The following LRMDA variants were observed in gnomAD, a reference collection of about 807,000 sequenced individuals.
LRMDA encodes the protein leucine-rich melanocyte differentiation-associated protein.
In LRMDA, 18 loss-of-function variants were observed where a neutral mutation model predicts 29.8. The ratio of observed to expected loss-of-function variants is 0.60; its 90% CI spans 0.42 to 0.90. The LOEUF is 0.90. Ranked by LOEUF, LRMDA falls within the 40% of genes least tolerant of loss-of-function variation. The pLI is 0.00. For synonymous variants in LRMDA, 125 were observed against 109.4 expected, an observed-to-expected ratio of 1.14 and a Z score of -0.89; for missense variants, 273 against 273.9, an observed-to-expected ratio of 1.00 and a Z score of 0.02.
Position 75,941,771 on chromosome 10 carries a change from C to A in LRMDA, c.132-94237C>A, listed in dbSNP as rs183502051. On this transcript the variant is annotated intron_variant, in intron 2 of 6. Transcript: ENST00000611255. ...AGATTGGGGACTGATGACAATCATG[C>A]CATGTGGACAGTATCCAGGCCCTCC... Among the ~76,000 whole-genome samples the A allele has an allele frequency of 5.9e-5, 9 of 152,256 alleles. No homozygotes were observed. In the East Asian group the frequency reaches 1.5e-3, roughly 26 times the overall value.
chr10:76,352,017 G>A (rs1841182926), intron 6 of LRMDA, among the ~76,000 whole-genome samples: 2 of 152,222 alleles, frequency 1.3e-5, no homozygotes, highest in Non-Finnish European at 2.9e-5. Context: ...CTCTGGAGAA[G>A]GTACTTGACC....
In LRMDA at chr10:76,527,376, A is replaced by G. The variant is rs571896089; in HGVS notation, c.602-29833A>G. On this transcript the variant is annotated intron_variant, in intron 6 of 6. Transcript: ENST00000611255. The stretch of plus-strand genomic sequence containing the variant: ...CTGTCTAGATCCAGATCTTGGCTCT[A>G]TAAGTTACTATCAGTGTAATCTCAT... Among the ~76,000 whole-genome samples, 24 of 152,294 alleles carry G rather than the reference A, an allele frequency of 1.6e-4. No individual in the cohort carries two copies. In the East Asian group the frequency reaches 3.1e-3, roughly 20 times the overall value.
intron 2 of LRMDA, among the ~76,000 whole-genome samples, chr10:75,634,114 C>G (rs1252790690): frequency 6.6e-6 from 1 of 152,146 alleles, no homozygotes; most frequent in Non-Finnish European, 1.5e-5. Context: ...GATAAAATAT[C>G]CCGGTAAACT....
intron 2 of LRMDA, among the ~76,000 whole-genome samples, chr10:75,839,700 CTTTTTTTTTTTTTTTTTTT>C (rs1160178913): frequency 1.2e-5 from 1 of 82,782 alleles, no homozygotes; most frequent in Non-Finnish European, 2.2e-5. Flanking sequence ...ATCCGACTTT[CTTTTTTTTTTTTTTTTTTT>C]TTTTTTTGAG....
chr10:76,365,766 T>A (rs1841385163), intron 6 of LRMDA, among the ~76,000 whole-genome samples: 1 of 152,210 alleles, frequency 6.6e-6, no homozygotes, highest in Non-Finnish European at 1.5e-5. Context: ...CTCAGCTATT[T>A]ATCTTTGTTT....
intron 2 of LRMDA, among the ~76,000 whole-genome samples, chr10:75,740,187 C>G (rs992453958): frequency 6.6e-6 from 1 of 152,196 alleles, no homozygotes; most frequent in Non-Finnish European, 1.5e-5. Context: ...AGTTACATTC[C>G]TCTCCCATGC....
intron 2 of LRMDA, among the ~76,000 whole-genome samples, chr10:75,590,466 A>G (rs1440233259): frequency 2.0e-5 from 3 of 152,148 alleles, no homozygotes; most frequent in Non-Finnish European, 4.4e-5. Flanking sequence ...TTAATTTGGT[A>G]TATGACATCA....
intron 2 of LRMDA, among the ~76,000 whole-genome samples, chr10:75,848,293 C>T (rs915892696): frequency 1.1e-4 from 16 of 152,152 alleles, no homozygotes; most frequent in African/African-American, 3.4e-4. Context: ...TGAAATTAGC[C>T]AGTCACAAAA....
At position 76,311,732 on chromosome 10, in the gene LRMDA, G is replaced by C. The variant is rs1377804926; in HGVS notation, c.517-12669G>C. On this transcript the variant is annotated intron_variant, in intron 5 of 6. Transcript: ENST00000611255. ...AGCCTGCAAAGATCAGGCCTCTTGT[G>C]ATCCCCACAAATATACTTGCATTTA... Among the ~76,000 whole-genome samples the C allele has an allele frequency of 2.0e-5, 3 of 152,252 alleles. No homozygotes were observed. The South Asian group carries it at 6.2e-4, about 32-fold the overall frequency.
At chr10:75,942,537 A>T (rs2132411322) in intron 2 of LRMDA, among the ~76,000 whole-genome samples, 1 of 152,306 alleles carries the variant, frequency 6.6e-6, no homozygotes, top group East Asian at 1.9e-4. Context: ...GGCAGGTAGA[A>T]ATCCACCTGA....
intron 6 of LRMDA, among the ~76,000 whole-genome samples, chr10:76,491,924 T>C (rs1051720888): frequency 3.3e-5 from 5 of 152,040 alleles, no homozygotes; most frequent in African/African-American, 1.2e-4. Context: ...CTAAATGGCC[T>C]GTCTTCAATC....
chr10:75,763,453 T>C (rs896211767), intron 2 of LRMDA, among the ~76,000 whole-genome samples: 21 of 152,200 alleles, frequency 1.4e-4, no homozygotes, highest in African/African-American at 4.8e-4. Flanking sequence ...TTGGGTTCTT[T>C]GGATTTTCAT....
chr10:76,533,569 T>C (rs576175947), intron 6 of LRMDA, among the ~76,000 whole-genome samples: 166 of 152,282 alleles, frequency 1.1e-3, no homozygotes, highest in African/African-American at 3.7e-3. Context: ...CGGAGGCTCT[T>C]TGGAAGTTAG....
At chr10:76,534,630 G>A (rs910408691) in intron 6 of LRMDA, among the ~76,000 whole-genome samples, 1 of 152,152 alleles carries the variant, frequency 6.6e-6, no homozygotes, top group African/African-American at 2.4e-5. Flanking sequence ...GCAGTAACAG[G>A]ATAGTTATAA....
At chr10:75,464,379 T>C (rs145120303) in intron 2 of LRMDA, among the ~76,000 whole-genome samples, 75 of 152,300 alleles carry the variant, frequency 4.9e-4, no homozygotes, top group South Asian at 3.1e-3. Flanking sequence ...TGTTTGTGGA[T>C]AGGCATGTAG....
intron 2 of LRMDA, among the ~76,000 whole-genome samples, chr10:75,739,394 T>C (rs1289462357): frequency 6.6e-6 from 1 of 152,226 alleles, no homozygotes; most frequent in African/African-American, 2.4e-5. Flanking sequence ...ACTTGCCATG[T>C]ACAAAATTCA....
chr10:75,851,125 C>T (rs1481903443), intron 2 of LRMDA, among the ~76,000 whole-genome samples: 1 of 152,084 alleles, frequency 6.6e-6, no homozygotes, highest in Non-Finnish European at 1.5e-5. Flanking sequence ...TAAATGTGAT[C>T]CATTATCTTG....
Position 75,817,236 on chromosome 10 carries a change from G to A in LRMDA, c.132-218772G>A, listed in dbSNP as rs139414874. 2.9e-3 allele frequency among the ~76,000 whole-genome samples: 434 copies of A among 152,252 alleles called. 1 individual carries two copies. Among genetic ancestry groups the A allele is most frequent in the Admixed American group, 7.0e-3 (107 of 15,292 alleles). ...ATGTGAGGCCAGAACTCAACCCAAG[G>A]GATCCAATTGGACCCATGCCTAACA... is the stretch of plus-strand genomic sequence containing the variant. On this transcript the variant is annotated intron_variant, in intron 2 of 6. Transcript: ENST00000611255.
chr10:76,224,875 T>G lies in LRMDA; in HGVS notation c.517-99526T>G, dbSNP rs759420200. 9.2e-5 allele frequency among the ~76,000 whole-genome samples: 14 copies of G among 151,886 alleles called. 1 individual carries two copies. The highest frequency in any genetic ancestry group is 1.9e-4 in the Non-Finnish European group (13 of 67,930). On this transcript the variant is annotated intron_variant, in intron 5 of 6. Transcript: ENST00000611255. ...GTGTCCTTCCTTGTCCCCCTACCCC[T>G]TTACATCCAAGTTTTGGATGCTTTT...
Sources: allele counts gnomAD v4.1 joint callset (sites outside exome capture counted in the v4.1 genomes callset), GRCh38; gene constraint gnomAD v4.1.1; transcripts MANE v1.5; gene names NCBI Gene and HGNC (gene_info 2026-07-23, HGNC 2026-07-21).